The following THAP4 variants were observed in gnomAD, a reference collection of about 807,000 sequenced individuals.
THAP4 encodes the protein THAP domain containing 4, also known as peroxynitrite isomerase THAP4.
THAP4 carries 18 observed loss-of-function variants against 48.1 expected under a neutral mutation model. The ratio of observed to expected loss-of-function variants is 0.37; its 90% confidence interval spans 0.26 to 0.56. The LOEUF (loss-of-function observed/expected upper bound fraction) is 0.56, where lower values mean the gene tolerates loss of function less well. Ranked by LOEUF, THAP4 falls within the 20% of genes least tolerant of loss-of-function variation. The pLI, the probability that THAP4 is intolerant of heterozygous loss-of-function variation, is 0.78. For missense variants in THAP4, 656 were observed against 774.9 expected, an observed-to-expected ratio of 0.85 and a Z score of 1.82; for synonymous variants, 345 against 324.9, an observed-to-expected ratio of 1.06 and a Z score of -0.66.
intron 2 of THAP4, among the ~76,000 whole-genome samples, chr2:241,625,524 G>A (rs1473556636): frequency 6.7e-6 from 1 of 149,928 alleles, no homozygotes; most frequent in Non-Finnish European, 1.5e-5. Flanking sequence ...GAGTCCAGGT[G>A]TGTGGATCAC....
chr2:241,614,066 A>C (rs1011407664), intron 2 of THAP4, among the ~76,000 whole-genome samples: 3 of 151,874 alleles, frequency 2.0e-5, no homozygotes, highest in African/African-American at 7.3e-5. Context: ...GGTGGGGAGA[A>C]TCACTTGCGC....
chr2:241,602,049 G>A, intron 4 of THAP4, 50 bp from the exon 5 acceptor site: 2 of 1,580,926 alleles, frequency 1.3e-6, no homozygotes, highest in Non-Finnish European at 1.7e-6. Context: ...GGCTTGCAGA[G>A]AGGCAGCCTT....
intron 2 of THAP4, among the ~76,000 whole-genome samples, chr2:241,620,182 G>A (rs574683928): frequency 4.1e-5 from 3 of 73,942 alleles, no homozygotes; most frequent in East Asian, 7.4e-4. Flanking sequence ...TGAGTGAGTC[G>A]GTGAGTGAGG....
chr2:241,617,843 G>A (rs957686786), intron 2 of THAP4, among the ~76,000 whole-genome samples: 3 of 152,114 alleles, frequency 2.0e-5, no homozygotes, highest in Admixed American at 6.5e-5. Flanking sequence ...GTCTCCTAGA[G>A]GGTGGCTGGA....
rs559849690 is a variant in THAP4, at chr2:241,617,592, G to C, written c.1241-11119C>G. 4.5e-6 allele frequency: 4 copies of C among 884,040 alleles called. No individual in the cohort carries two copies. The East Asian group carries it at 1.1e-4, about 25-fold the overall frequency. 54.8% of individuals were successfully genotyped at this position (884,040 alleles called of 1,614,324 possible). A position where few individuals can be genotyped will look rare whatever the true frequency, so the allele number is the denominator to read the frequency against. The stretch of plus-strand genomic sequence containing the variant: ...ATGAAAGATCACGTCTCAGAAGAAA[G>C]TAAAAGACAATGACAGCCCAGATCA... On this transcript the variant is annotated intron_variant, in intron 2 of 5. Coordinates refer to ENST00000407315, the MANE Select transcript of THAP4 (RefSeq NM_015963.6).
intron 2 of THAP4, among the ~76,000 whole-genome samples, chr2:241,615,084 C>G (rs1055422861): frequency 1.3e-5 from 2 of 152,116 alleles, no homozygotes; most frequent in Non-Finnish European, 2.9e-5. Context: ...CCCTTGAAAA[C>G]ACTGCGCGAA....
chr2:241,627,674 A>G (rs755422846), intron 2 of THAP4, among the ~76,000 whole-genome samples: 46 of 152,328 alleles, frequency 3.0e-4, no homozygotes, highest in Non-Finnish European at 5.9e-4. Context: ...AGAGTCTGTC[A>G]CTGAAGAACA....
chr2:241,590,636 G>A (rs369821166), intron 5 of THAP4, among the ~76,000 whole-genome samples: 23 of 141,128 alleles, frequency 1.6e-4, no homozygotes, highest in South Asian at 4.7e-4. Flanking sequence ...GACACGCAGA[G>A]CTGCCCGGCT....
rs923423466 is a variant in THAP4, at chr2:241,609,119, C to G, written c.1241-2646G>C. ...CACAGGAAGCCAGGGAGGGCAATGG[C>G]AAAAACCCTTGTGGCAGAGGAGGGT... On this transcript the variant is annotated intron_variant, in intron 2 of 5. Coordinates refer to ENST00000407315, the MANE Select transcript of THAP4 (RefSeq NM_015963.6). 3.3e-5 allele frequency among the ~76,000 whole-genome samples: 5 copies of G among 152,214 alleles called. No individual in the cohort carries two copies. In the South Asian group the frequency reaches 6.2e-4, roughly 19 times the overall value.
intron 5 of THAP4, among the ~76,000 whole-genome samples, chr2:241,585,929 AG>A (rs1326191763): frequency 0.013 from 1,858 of 138,502 alleles, 183 homozygotes; most frequent in African/African-American, 0.036. Flanking sequence ...AAAAAAAAAA[AG>A]AAAAAAAAAA....
chr2:241,588,491 AAAAG>A (rs1024899376), intron 5 of THAP4, among the ~76,000 whole-genome samples: 1 of 152,248 alleles, frequency 6.6e-6, no homozygotes, highest in African/African-American at 2.4e-5. Flanking sequence ...GGAAAAAAGA[AAAAG>A]AAGAAAAGTT....
upstream of THAP4, chr2:241,637,226 G>A (rs2067688280): frequency 7.1e-5 from 71 of 995,578 alleles, no homozygotes; most frequent in Non-Finnish European, 8.5e-5. Flanking sequence ...GCCAGCCGCG[G>A]GTTCGGGCGT....
At chr2:241,599,060 T>C (rs146288951) in intron 5 of THAP4, among the ~76,000 whole-genome samples, 1,651 of 152,216 alleles carry the variant, frequency 0.011, 33 homozygotes, top group African/African-American at 0.038. Flanking sequence ...AAGACCAGCC[T>C]GGCCAACATG....
intron 5 of THAP4, among the ~76,000 whole-genome samples, chr2:241,591,426 T>G (rs183174172): frequency 4.2e-4 from 64 of 152,306 alleles, no homozygotes; most frequent in Admixed American, 1.3e-3. Context: ...ACTGCACACT[T>G]GAAGTGTATG....
chr2:241,609,124 A>G (rs1232962765), intron 2 of THAP4, among the ~76,000 whole-genome samples: 3 of 152,058 alleles, frequency 2.0e-5, no homozygotes, highest in African/African-American at 7.2e-5. Context: ...AATGGCAAAA[A>G]CCCTTGTGGC....
chr2:241,586,587 C>T (rs945192589), intron 5 of THAP4, among the ~76,000 whole-genome samples: 1 of 152,126 alleles, frequency 6.6e-6, no homozygotes, highest in Non-Finnish European at 1.5e-5. Flanking sequence ...CCTCCCCCAC[C>T]CTCACCCAGG....
chr2:241,602,867 C>T, intron 4 of THAP4, 103 bp downstream of exon 4: 1 of 894,116 alleles, frequency 1.1e-6, no homozygotes, highest in South Asian at 1.4e-5. Flanking sequence ...CCCACCAGCA[C>T]ATGCCTCAGC....
At chr2:241,585,366 A>C (rs1002953249) in intron 5 of THAP4, among the ~76,000 whole-genome samples, 3 of 140,484 alleles carry the variant, frequency 2.1e-5, no homozygotes, top group Non-Finnish European at 3.0e-5. Context: ...GATGGGCACT[A>C]TCTCTCTAGT....
intron 5 of THAP4, among the ~76,000 whole-genome samples, chr2:241,600,867 G>A (rs1159955857): frequency 6.6e-6 from 1 of 152,110 alleles, no homozygotes; most frequent in Non-Finnish European, 1.5e-5. Flanking sequence ...CTGAGCACCT[G>A]TGGGGCACAG....
Sources: gnomAD v4.1 joint callset for allele counts (sites outside exome capture counted in the v4.1 genomes callset) on GRCh38, gnomAD v4.1.1 for gene constraint, MANE v1.5 for transcripts, NCBI Gene and HGNC (gene_info 2026-07-23, HGNC 2026-07-21) for gene names.